Variants in GAB1 observed in about 807,000 individuals in gnomAD.
GAB1 encodes the protein GRB2-associated-binding protein 1.
GAB1 carries 19 observed loss-of-function variants against 66.5 expected under a neutral mutation model. That is an observed-to-expected ratio of 0.29 (90% CI 0.20 to 0.42). GAB1 has a LOEUF of 0.42. GAB1 is among the 10% of genes least tolerant of loss of function. The pLI is 1.00. For synonymous variants in GAB1, 294 were observed against 301.4 expected (o/e 0.98, Z 0.25); for missense variants, 732 against 858.5 (o/e 0.85, Z 1.84).
At chr4:143,459,348 G>A (rs928012433) in intron 6 of GAB1, 37 bp from the exon 7 acceptor site, 5 of 1,205,856 alleles carry the variant, frequency 4.1e-6, no homozygotes, top group Admixed American at 3.4e-5. Flanking sequence ...CCAAAGTTCT[G>A]TATACTAAAA....
chr4:143,469,194 A>C lies in GAB1; in HGVS notation c.*5A>C. Reference sequence around the variant, plus strand: ...CCAGCGAAGAGTGTGAAATGAAAATATTGCCTTGCCATTTCTGAACAAAAG... The same window carrying C: ...CCAGCGAAGAGTGTGAAATGAAAATCTTGCCTTGCCATTTCTGAACAAAAG... On this transcript the variant is annotated 3_prime_UTR_variant, in exon 10 of 10. Transcript: ENST00000262994. 2.5e-6 allele frequency: 4 copies of C among 1,613,674 alleles called. No individual in the cohort carries two copies. The highest frequency in any genetic ancestry group is 3.4e-6 in the Non-Finnish European group (4 of 1,179,794).
chr4:143,459,759 T>C (rs1160873870), intron 7 of GAB1, among the ~76,000 whole-genome samples: 1 of 152,220 alleles, frequency 6.6e-6, no homozygotes, highest in East Asian at 1.9e-4. Context: ...TGTGTATTAC[T>C]TACGTTTTAA....
chr4:143,360,302 T>G (rs1407298680), intron 1 of GAB1, among the ~76,000 whole-genome samples: 1 of 152,230 alleles, frequency 6.6e-6, no homozygotes, highest in Non-Finnish European at 1.5e-5. Context: ...ATTCTGATTT[T>G]GTTTCTTACG....
At chr4:143,408,327 A>G (rs138810151) in intron 1 of GAB1, among the ~76,000 whole-genome samples, 1 of 152,210 alleles carries the variant, frequency 6.6e-6, no homozygotes, top group Non-Finnish European at 1.5e-5. Context: ...TTTTGAAAAA[A>G]CAAAGTATGT....
chr4:143,433,447 T>C, intron 2 of GAB1, 44 bp from the exon 3 acceptor site: 1 of 1,418,808 alleles, frequency 7.0e-7, no homozygotes, highest in Non-Finnish European at 9.9e-7. Context: ...TTCCAAAAAT[T>C]GTTTAACTGT....
chr4:143,427,536 A>T (rs2149737739), intron 2 of GAB1, among the ~76,000 whole-genome samples: 1 of 142,374 alleles, frequency 7.0e-6, no homozygotes, highest in East Asian at 2.0e-4. Context: ...CCTGACTGGT[A>T]AAAAAAAAAA....
In GAB1 at chr4:143,353,136, G is replaced by C. The variant is rs115500823; in HGVS notation, c.72+15876G>C. ...GAGGAGAGATGAAGGAGGATTAGCT[G>C]TTCACCAGAAGTTCTGGTTATTCTG... On this transcript the variant is annotated intron_variant, in intron 1 of 9. Coordinates refer to ENST00000262994, the MANE Select transcript of GAB1 (RefSeq NM_002039.4). 2.7e-3 allele frequency among the ~76,000 whole-genome samples: 409 copies of C among 152,328 alleles called. 2 individuals carry two copies. The highest frequency in any genetic ancestry group is 9.6e-3 in the African/African-American group (399 of 41,566).
intron 2 of GAB1, among the ~76,000 whole-genome samples, chr4:143,432,746 A>G (rs1392592168): frequency 2.0e-5 from 3 of 152,220 alleles, no homozygotes; most frequent in Non-Finnish European, 4.4e-5. Flanking sequence ...ATTTTATTCT[A>G]GAATTTCACA....
intron 1 of GAB1, among the ~76,000 whole-genome samples, chr4:143,372,060 A>G (rs940379811): frequency 2.6e-5 from 4 of 152,108 alleles, no homozygotes; most frequent in Non-Finnish European, 4.4e-5. Context: ...CACGGTGGCT[A>G]GTGCCTGTAA....
chr4:143,389,090 T>G (rs1175939069), intron 1 of GAB1, among the ~76,000 whole-genome samples: 7 of 152,234 alleles, frequency 4.6e-5, no homozygotes, highest in African/African-American at 1.7e-4. Context: ...ATCACTCACA[T>G]TATACTCACA....
intron 1 of GAB1, among the ~76,000 whole-genome samples, chr4:143,374,306 A>C (rs1357640088): frequency 6.6e-6 from 1 of 152,130 alleles, no homozygotes; most frequent in East Asian, 1.9e-4. Context: ...GAGGGTTTGT[A>C]TTGGTTGCAA....
intron 2 of GAB1, chr4:143,425,712 A>G (rs1733315774): frequency 3.9e-6 from 3 of 759,684 alleles, no homozygotes; most frequent in South Asian, 2.7e-5. Flanking sequence ...GGCAGTGACC[A>G]AGGAGGAATT....
intron 1 of GAB1, among the ~76,000 whole-genome samples, chr4:143,376,009 C>T (rs1730401331): frequency 6.6e-6 from 1 of 152,146 alleles, no homozygotes; most frequent in Non-Finnish European, 1.5e-5. Context: ...CCAGAGAAAC[C>T]AGCAAGTAAT....
At position 143,389,535 on chromosome 4, in the gene GAB1, G is replaced by A. The variant is rs114210137; in HGVS notation, c.73-25942G>A. ...TGACCTAGGGATGTCTAAGAGATAAGGAGGGAAAGTGCAGGGGTCTCTTTT... is the reference window on the plus strand; with the variant it reads ...TGACCTAGGGATGTCTAAGAGATAAAGAGGGAAAGTGCAGGGGTCTCTTTT... On this transcript the variant is annotated intron_variant, in intron 1 of 9. Transcript: ENST00000262994. Among the ~76,000 whole-genome samples the A allele has an allele frequency of 7.9e-3, 1,205 of 152,316 alleles. 8 individuals are homozygous for A. Among genetic ancestry groups the A allele is most frequent in the Middle Eastern group, 0.037 (11 of 294 alleles).
chr4:143,403,840 T>G (rs1454772529), intron 1 of GAB1, among the ~76,000 whole-genome samples: 4 of 152,250 alleles, frequency 2.6e-5, no homozygotes, highest in Non-Finnish European at 5.9e-5. Context: ...TTTGGAAGGA[T>G]GTCTTTCTAA....
intron 2 of GAB1, chr4:143,417,591 T>C (rs909736938): frequency 5.2e-6 from 1 of 192,712 alleles, no homozygotes; most frequent in Non-Finnish European, 1.1e-5. Flanking sequence ...ATATTTTTAA[T>C]AGAGATGGGG....
intron 1 of GAB1, among the ~76,000 whole-genome samples, chr4:143,413,306 G>A (rs1240034963): frequency 6.6e-6 from 1 of 152,086 alleles, no homozygotes; most frequent in Non-Finnish European, 1.5e-5. Flanking sequence ...TATTTATTTT[G>A]CAGTAAGTAG....
chr4:143,429,152 G>A (rs951187543), intron 2 of GAB1, among the ~76,000 whole-genome samples: 1 of 152,102 alleles, frequency 6.6e-6, no homozygotes, highest in Non-Finnish European at 1.5e-5. Flanking sequence ...GCCCAGGTGA[G>A]AGTGCAGTGG....
At chr4:143,418,410 G>A (rs1050886993) in intron 2 of GAB1, among the ~76,000 whole-genome samples, 1 of 152,136 alleles carries the variant, frequency 6.6e-6, no homozygotes, top group Non-Finnish European at 1.5e-5. Context: ...TACAAATGAG[G>A]TAGCTCTTTT....
Sources: gnomAD v4.1 joint callset for allele counts (sites outside exome capture counted in the v4.1 genomes callset) on GRCh38, gnomAD v4.1.1 for gene constraint, MANE v1.5 for transcripts, NCBI Gene and HGNC (gene_info 2026-07-23, HGNC 2026-07-21) for gene names.